UBXN7: variants seen among roughly 807,000 people sequenced by gnomAD.
The protein encoded by UBXN7 is UBX domain-containing protein 7.
In UBXN7, 9 loss-of-function variants were observed where a neutral mutation model predicts 58.0. The observed-to-expected ratio is 0.16, with a 90% CI of 0.09 to 0.27. The LOEUF is 0.27. Among genes scored for constraint, UBXN7 ranks in the 10% least tolerant of loss-of-function variants. The pLI is 1.00. For missense variants in UBXN7, 328 were observed against 599.6 expected (o/e 0.55, Z 4.73); for synonymous variants, 208 against 205.0 (o/e 1.01, Z -0.12).
At chr3:196,424,703 CTTTT>C (rs36110858) in intron 1 of UBXN7, among the ~76,000 whole-genome samples, 2 of 105,234 alleles carry the variant, frequency 1.9e-5, no homozygotes, top group Non-Finnish European at 3.8e-5. Flanking sequence ...TTTTTATAAC[CTTTT>C]TTTTTTTTTT....
At chr3:196,423,857 CTAAT>C (rs1183597356) in intron 1 of UBXN7, among the ~76,000 whole-genome samples, 2 of 150,358 alleles carry the variant, frequency 1.3e-5, no homozygotes, top group African/African-American at 2.4e-5. Context: ...TAATTAGAGA[CTAAT>C]TATTCCATTT....
At chr3:196,364,972 A>G (rs1022566311) in intron 8 of UBXN7, among the ~76,000 whole-genome samples, 1 of 152,178 alleles carries the variant, frequency 6.6e-6, no homozygotes, top group Non-Finnish European at 1.5e-5. Flanking sequence ...TATAGCAATG[A>G]CATTGCACAT....
intron 1 of UBXN7, among the ~76,000 whole-genome samples, chr3:196,423,752 C>T (rs1159048739): frequency 6.6e-6 from 1 of 152,160 alleles, no homozygotes; most frequent in Non-Finnish European, 1.5e-5. Context: ...TAAAGTCCTG[C>T]ATGGATGTGA....
At chr3:196,382,563 G>A (rs1282785093) in intron 5 of UBXN7, among the ~76,000 whole-genome samples, 2 of 152,146 alleles carry the variant, frequency 1.3e-5, no homozygotes, top group African/African-American at 4.8e-5. Flanking sequence ...ATTGATGCTA[G>A]GAAGAAACTG....
intron 5 of UBXN7, among the ~76,000 whole-genome samples, chr3:196,381,698 A>T (rs570922437): frequency 6.6e-6 from 1 of 152,238 alleles, no homozygotes; most frequent in Non-Finnish European, 1.5e-5. Context: ...CTCCAAGCTA[A>T]AGGAGGATGT....
chr3:196,347,800 T>A lies in UBXN7; in HGVS notation c.*8885A>T, dbSNP rs978785850. On this transcript the variant is annotated 3_prime_UTR_variant, in exon 11 of 11. Transcript: ENST00000296328. Reference sequence around the variant, plus strand: ...TGGTCCCTCTCTCAGCACAGTGAGCTGATGTCTTCAAAAGACTTATCGTCC... The same window carrying A: ...TGGTCCCTCTCTCAGCACAGTGAGCAGATGTCTTCAAAAGACTTATCGTCC... The A allele has an allele frequency of 2.0e-5, 3 of 152,202 alleles. No individual in the cohort carries two copies. The highest frequency in any genetic ancestry group is 2.9e-5 in the Non-Finnish European group (2 of 68,042). 9.4% of individuals were successfully genotyped at this position (152,202 alleles called of 1,614,324 possible).
intron 2 of UBXN7, among the ~76,000 whole-genome samples, chr3:196,406,574 G>A (rs1375971630): frequency 6.6e-6 from 1 of 151,896 alleles, no homozygotes; most frequent in Non-Finnish European, 1.5e-5. Context: ...CGAGTAGCTG[G>A]GATTACAGGC....
intron 3 of UBXN7, chr3:196,399,915 A>G (rs1341646792): frequency 6.6e-6 from 1 of 152,230 alleles, no homozygotes; most frequent in Non-Finnish European, 1.5e-5. Flanking sequence ...TTTGATGTCC[A>G]GTATAATGGT....
intron 6 of UBXN7, among the ~76,000 whole-genome samples, chr3:196,371,209 C>A (rs1184568513): frequency 6.6e-6 from 1 of 152,162 alleles, no homozygotes; most frequent in Admixed American, 6.5e-5. Context: ...CAACCACTAC[C>A]CACAAGTGGC....
intron 2 of UBXN7, among the ~76,000 whole-genome samples, chr3:196,404,685 C>T (rs1359997722): frequency 2.0e-5 from 3 of 152,204 alleles, no homozygotes; most frequent in African/African-American, 7.2e-5. Flanking sequence ...TCAATAATTA[C>T]ATCCTGTAAT....
In UBXN7 at chr3:196,428,011, C is replaced by T. The variant is rs373529830; in HGVS notation, c.73+4316G>A. 2.4e-3 allele frequency among the ~76,000 whole-genome samples: 370 copies of T among 152,284 alleles called. 17 individuals carry two copies. In the South Asian group the frequency reaches 0.07, roughly 29 times the overall value. On this transcript the variant is annotated intron_variant, in intron 1 of 10. Transcript: ENST00000296328. The stretch of plus-strand genomic sequence containing the variant: ...TGGTGGCTTGAGCCTGTAATCCCAG[C>T]TACTGCGGAGGCTGAAGCAGGAGAA...
At chr3:196,424,859 T>A (rs1158968061) in intron 1 of UBXN7, among the ~76,000 whole-genome samples, 1 of 151,912 alleles carries the variant, frequency 6.6e-6, no homozygotes, top group African/African-American at 2.4e-5. Context: ...CACACCACCA[T>A]GCCCGGCTAG....
At chr3:196,369,570 C>T (rs1224053690) in intron 6 of UBXN7, 59 bp from the exon 7 acceptor site, 5 of 1,234,776 alleles carry the variant, frequency 4.0e-6, no homozygotes, top group African/African-American at 1.5e-5. Flanking sequence ...CCAACTATAA[C>T]CTTCTTATAC....
At chr3:196,423,888 CT>C (rs1235337251) in intron 1 of UBXN7, among the ~76,000 whole-genome samples, 30,615 of 131,228 alleles carry the variant, frequency 0.23, 2,636 homozygotes, top group South Asian at 0.27. Context: ...TAATTTTTCA[CT>C]TTTTTTTTTT....
chr3:196,417,952 A>G (rs1730554285), intron 1 of UBXN7, among the ~76,000 whole-genome samples: 1 of 151,872 alleles, frequency 6.6e-6, no homozygotes, highest in East Asian at 1.9e-4. Flanking sequence ...AATTCACATT[A>G]AAGAACTTGG....
At chr3:196,386,380 T>TAAAAAAAAAAAC (rs1729398177) in intron 5 of UBXN7, among the ~76,000 whole-genome samples, 1 of 57,728 alleles carries the variant, frequency 1.7e-5, no homozygotes, top group Non-Finnish European at 3.2e-5. Context: ...TAATAAACAC[T>TAAAAAAAAAAAC]AAAAAAAAAA....
intron 1 of UBXN7, chr3:196,431,769 C>T: frequency 4.5e-6 from 2 of 447,880 alleles, no homozygotes; most frequent in South Asian, 3.1e-5. Flanking sequence ...AGTGTAAAGG[C>T]ACGGCCGAAC....
intron 5 of UBXN7, among the ~76,000 whole-genome samples, chr3:196,376,340 C>G (rs375059494): frequency 6.6e-6 from 1 of 151,640 alleles, no homozygotes; most frequent in African/African-American, 2.4e-5. Flanking sequence ...GTCAGGAGTT[C>G]GAGACCAGCT....
intron 1 of UBXN7, among the ~76,000 whole-genome samples, chr3:196,426,054 G>A (rs1730838878): frequency 6.6e-6 from 1 of 151,976 alleles, no homozygotes; most frequent in Admixed American, 6.6e-5. Flanking sequence ...CTACTAGTAA[G>A]ATTCCATTCG....
Sources: allele counts gnomAD v4.1 joint callset (sites outside exome capture counted in the v4.1 genomes callset), GRCh38; gene constraint gnomAD v4.1.1; transcripts MANE v1.5; gene names NCBI Gene and HGNC (gene_info 2026-07-23, HGNC 2026-07-21).